Variants in ATXN1 observed in about 807,000 individuals in gnomAD.
ATXN1 encodes the protein ataxin 1.
A neutral mutation model predicts 56.4 loss-of-function variants in ATXN1; 8 were observed. The ratio of observed to expected loss-of-function variants is 0.14; its 90% CI spans 0.08 to 0.26. The LOEUF is 0.26. Ranked by LOEUF, ATXN1 falls within the 10% of genes least tolerant of loss-of-function variation. The pLI, the probability that ATXN1 is intolerant of heterozygous loss-of-function variation, is 1.00. For synonymous variants in ATXN1, 514 were observed against 494.6 expected, an observed-to-expected ratio of 1.04 and a Z score of -0.52; for missense variants, 987 against 1,106.5, an observed-to-expected ratio of 0.89 and a Z score of 1.53.
At chr6:16,353,101 G>C (rs1761606001) in intron 6 of ATXN1, among the ~76,000 whole-genome samples, 1 of 152,088 alleles carries the variant, frequency 6.6e-6, no homozygotes, top group African/African-American at 2.4e-5. Context: ...AGAACAGCAC[G>C]CAACTTAAAA....
chr6:16,700,187 G>A (rs1182342609), intron 2 of ATXN1, among the ~76,000 whole-genome samples: 1 of 152,078 alleles, frequency 6.6e-6, no homozygotes. Flanking sequence ...TTCCAGGACC[G>A]GCCCTTCCTT....
In ATXN1 at chr6:16,305,294, C is replaced by A. The variant is rs1414683046; in HGVS notation, c.*1035G>T. On this transcript the variant is annotated 3_prime_UTR_variant, in exon 8 of 8. Transcript: ENST00000436367. ...AATCTGAAAAAAAAAAAAAGTGGCA[C>A]CCGAGTTGTCCATAGTCATGAACTA... 2.0e-5 allele frequency: 3 copies of A among 150,970 alleles called. No homozygotes were observed. Among genetic ancestry groups the A allele is most frequent in the African/African-American group, 7.3e-5 (3 of 41,164 alleles). The allele number at this position is 150,970 out of a possible 1,614,324, so 9.4% of individuals were successfully genotyped here. A position where few individuals can be genotyped will look rare whatever the true frequency, so the allele number is the denominator to read the frequency against.
rs1403223142 is a variant in ATXN1, at chr6:16,429,325, T to C, written c.-161+56647A>G. On this transcript the variant is annotated intron_variant, in intron 6 of 7. Coordinates refer to ENST00000436367, the MANE Select transcript of ATXN1 (RefSeq NM_001128164.2). ...TTTCTCACTGGCACTGCAAAATATA[T>C]GCAGAAATTTGACAGTGGGTGATAA... 2.0e-5 allele frequency among the ~76,000 whole-genome samples: 3 copies of C among 148,116 alleles called. No homozygotes were observed. The Admixed American group carries it at 2.0e-4, about 10-fold the overall frequency.
intron 3 of ATXN1, among the ~76,000 whole-genome samples, chr6:16,604,645 G>C (rs1403751595): frequency 2.0e-5 from 3 of 146,986 alleles, no homozygotes; most frequent in African/African-American, 7.6e-5. Flanking sequence ...GAGTGCAGTG[G>C]TACAATCAGA....
At chr6:16,701,655 T>A (rs1759286304) in intron 2 of ATXN1, among the ~76,000 whole-genome samples, 1 of 151,966 alleles carries the variant, frequency 6.6e-6, no homozygotes, top group Admixed American at 6.6e-5. Flanking sequence ...ACAAAATCAA[T>A]GTGCAAAAAT....
chr6:16,517,296 A>C (rs1488845045), intron 5 of ATXN1, among the ~76,000 whole-genome samples: 1 of 152,192 alleles, frequency 6.6e-6, no homozygotes. Flanking sequence ...AGTTTCTGAG[A>C]GGTAGCAGAG....
At chr6:16,342,942 G>C (rs1224900811) in intron 6 of ATXN1, among the ~76,000 whole-genome samples, 1 of 152,216 alleles carries the variant, frequency 6.6e-6, no homozygotes, top group Non-Finnish European at 1.5e-5. Flanking sequence ...GAGACAGATG[G>C]TGGTGATGGT....
At chr6:16,744,033 C>T (rs937440367) in intron 2 of ATXN1, among the ~76,000 whole-genome samples, 2 of 152,148 alleles carry the variant, frequency 1.3e-5, no homozygotes, top group African/African-American at 2.4e-5. Context: ...ATTTCAAATA[C>T]TAACAAATGT....
At chr6:16,581,936 A>G (rs983406115) in intron 4 of ATXN1, among the ~76,000 whole-genome samples, 6 of 152,220 alleles carry the variant, frequency 3.9e-5, no homozygotes, top group Admixed American at 3.9e-4. Flanking sequence ...ACAATTTCTT[A>G]AGGATATGGA....
Position 16,327,482 on chromosome 6 carries a change from T to C in ATXN1, c.829A>G (p.Ile277Val). The C allele has an allele frequency of 1.9e-6, 3 of 1,613,158 alleles. No individual in the cohort carries two copies. The South Asian group carries it at 3.3e-5, about 18-fold the overall frequency. Reference sequence around the variant, plus strand: ...GGCCCCAGGGTGAGCGTGTGTGGGATCATCGTCTGGTGGGGGTGGAGGTGG... The same window carrying C: ...GGCCCCAGGGTGAGCGTGTGTGGGACCATCGTCTGGTGGGGGTGGAGGTGG... ...PVHLHPHQTM[I>V]PHTLTLGPPS... Residue 277 changes from isoleucine (I) to valine (V), a missense_variant, in exon 7 of 8, where the codon ATC (isoleucine) becomes GTC (valine). Transcript: ENST00000436367.
At chr6:16,543,213 C>T (rs1233321802) in intron 4 of ATXN1, among the ~76,000 whole-genome samples, 3 of 152,166 alleles carry the variant, frequency 2.0e-5, no homozygotes, top group East Asian at 1.9e-4. Flanking sequence ...CCCACCGTCC[C>T]GCAGCCACCA....
chr6:16,420,351 T>C (rs1395164727), intron 6 of ATXN1, among the ~76,000 whole-genome samples: 3 of 152,180 alleles, frequency 2.0e-5, no homozygotes, highest in Non-Finnish European at 4.4e-5. Context: ...AACATCAAAA[T>C]GCATTTACTG....
intron 3 of ATXN1, among the ~76,000 whole-genome samples, chr6:16,655,727 A>G (rs1439209187): frequency 6.6e-6 from 1 of 152,088 alleles, no homozygotes; most frequent in East Asian, 1.9e-4. Flanking sequence ...AAAATTAAAT[A>G]CATAAAAATG....
At chr6:16,631,499 G>A (rs991146437) in intron 3 of ATXN1, among the ~76,000 whole-genome samples, 1 of 152,112 alleles carries the variant, frequency 6.6e-6, no homozygotes, top group Non-Finnish European at 1.5e-5. Context: ...AATCACACAG[G>A]TGTCACAGCC....
rs1760091336 is a variant in ATXN1, at chr6:16,301,311, A to G, written c.*5018T>C. 1 of 152,634 alleles carries G rather than the reference A, an allele frequency of 6.6e-6. No homozygotes were observed. Among genetic ancestry groups the G allele is most frequent in the Admixed American group, 6.5e-5 (1 of 15,278 alleles). The allele number at this position is 152,634 out of a possible 1,614,324, so 9.5% of individuals were successfully genotyped here. ...ACAAGGTATAGTGCTACAAGAAAAGATCCTATCATCAGTAAGGTAACGTAT... is the reference window on the plus strand; with the variant it reads ...ACAAGGTATAGTGCTACAAGAAAAGGTCCTATCATCAGTAAGGTAACGTAT... On this transcript the variant is annotated 3_prime_UTR_variant, in exon 8 of 8. Transcript: ENST00000436367.
At chr6:16,675,942 C>T (rs1016296951) in intron 2 of ATXN1, among the ~76,000 whole-genome samples, 11 of 151,938 alleles carry the variant, frequency 7.2e-5, no homozygotes, top group African/African-American at 2.7e-4. Flanking sequence ...AAGACACTGC[C>T]AAAGGAGAAG....
chr6:16,309,556 T>C (rs531751724), intron 7 of ATXN1, among the ~76,000 whole-genome samples: 2 of 152,220 alleles, frequency 1.3e-5, no homozygotes, highest in South Asian at 4.1e-4. Context: ...CAGAAGTTAA[T>C]ACTTGAGGAG....
intron 3 of ATXN1, among the ~76,000 whole-genome samples, chr6:16,616,595 TATATAC>T (rs1763216011): frequency 6.9e-6 from 1 of 145,246 alleles, no homozygotes; most frequent in Non-Finnish European, 1.5e-5. Flanking sequence ...TATAATATAT[TATATAC>T]TATATATAAA....
chr6:16,755,631 T>C (rs987784940), intron 1 of ATXN1, among the ~76,000 whole-genome samples: 1 of 151,876 alleles, frequency 6.6e-6, no homozygotes, highest in Non-Finnish European at 1.5e-5. Context: ...GGATAGATGC[T>C]ATAGGTTAGT....
Sources: gnomAD v4.1 joint callset for allele counts (sites outside exome capture counted in the v4.1 genomes callset) on GRCh38, gnomAD v4.1.1 for gene constraint, MANE v1.5 for transcripts, NCBI Gene and HGNC (gene_info 2026-07-23, HGNC 2026-07-21) for gene names.